The following PPP1R8 variants were observed in gnomAD, a reference collection of about 807,000 sequenced individuals.
The protein encoded by PPP1R8 is nuclear inhibitor of protein phosphatase 1.
A neutral mutation model predicts 31.3 loss-of-function variants in PPP1R8; 4 were observed. The observed-to-expected ratio is 0.13, with a 90% confidence interval of 0.06 to 0.29. PPP1R8 has a LOEUF of 0.29. PPP1R8 is among the 10% of genes least tolerant of loss of function. The probability of loss-of-function intolerance (pLI) is 1.00; values close to 1 mark genes in which losing one functional copy is unlikely to be tolerated. For missense variants in PPP1R8, 254 were observed against 440.1 expected (o/e 0.58, Z 3.78); for synonymous variants, 170 against 169.7 (o/e 1.00, Z -0.01).
At chr1:27,831,753 C>G (rs2089110921) in intron 1 of PPP1R8, among the ~76,000 whole-genome samples, 1 of 152,100 alleles carries the variant, frequency 6.6e-6, no homozygotes, top group Non-Finnish European at 1.5e-5. Flanking sequence ...ACAAAATGGC[C>G]TTTTGTCCGG....
chr1:27,844,954 C>T (rs1299102136), intron 5 of PPP1R8, among the ~76,000 whole-genome samples: 11 of 115,072 alleles, frequency 9.6e-5, no homozygotes, highest in Non-Finnish European at 1.4e-4. Flanking sequence ...AGGATGGTCT[C>T]GATCTCCTGA....
intron 5 of PPP1R8, among the ~76,000 whole-genome samples, chr1:27,845,056 C>A (rs1434365253): frequency 2.1e-5 from 3 of 142,136 alleles, no homozygotes; most frequent in African/African-American, 7.8e-5. Flanking sequence ...AAGTCTCTTT[C>A]AGGAGTGAGG....
chr1:27,839,930 G>A (rs540295453), intron 3 of PPP1R8, among the ~76,000 whole-genome samples: 1 of 152,176 alleles, frequency 6.6e-6, no homozygotes, highest in South Asian at 2.1e-4. Context: ...GTATTGTGGA[G>A]TGCGCTATGG....
chr1:27,845,346 T>G (rs1445372373), intron 5 of PPP1R8, among the ~76,000 whole-genome samples: 1 of 148,722 alleles, frequency 6.7e-6, no homozygotes, highest in Non-Finnish European at 1.5e-5. Context: ...GCCGAGATGG[T>G]GCCACTGCAC....
chr1:27,840,217 G>C (rs1182402384), intron 3 of PPP1R8, among the ~76,000 whole-genome samples: 1 of 152,136 alleles, frequency 6.6e-6, no homozygotes, highest in Non-Finnish European at 1.5e-5. Context: ...TTTTGCCCGT[G>C]TGTGAATACA....
At chr1:27,844,852 G>A (rs1315091402) in intron 5 of PPP1R8, among the ~76,000 whole-genome samples, 32 of 142,790 alleles carry the variant, frequency 2.2e-4, no homozygotes, top group Admixed American at 1.5e-3. Flanking sequence ...CGAGTAGCTG[G>A]GACTACAGGC....
At chr1:27,834,526 G>GTT (rs2089143223) in intron 2 of PPP1R8, 1 of 518,800 alleles carries the variant, frequency 1.9e-6, no homozygotes, top group African/African-American at 1.9e-5. Flanking sequence ...TAAGCCCAGT[G>GTT]TGTAAAGATA....
chr1:27,840,273 C>G (rs919797596), intron 3 of PPP1R8, among the ~76,000 whole-genome samples: 3 of 152,140 alleles, frequency 2.0e-5, no homozygotes, highest in African/African-American at 7.2e-5. Flanking sequence ...TCATGTTGGA[C>G]TCCACCACTC....
At chr1:27,833,624 T>G (rs557679783) in intron 2 of PPP1R8, among the ~76,000 whole-genome samples, 40 of 152,340 alleles carry the variant, frequency 2.6e-4, no homozygotes, top group South Asian at 2.1e-3. Context: ...ACTATGACCA[T>G]GTAGCTGTGA....
intron 4 of PPP1R8, among the ~76,000 whole-genome samples, chr1:27,842,927 T>C (rs1240878017): frequency 3.3e-5 from 5 of 152,182 alleles, no homozygotes; most frequent in Admixed American, 3.3e-4. Flanking sequence ...TGTTCTCAGC[T>C]CAAGGCCCTT....
intron 6 of PPP1R8, among the ~76,000 whole-genome samples, chr1:27,848,383 C>T (rs187198532): frequency 2.4e-4 from 37 of 152,016 alleles, no homozygotes; most frequent in African/African-American, 4.8e-4. Flanking sequence ...CCAGCCTGGT[C>T]GTCAGCGAGA....
intron 6 of PPP1R8, among the ~76,000 whole-genome samples, 174 bp from the exon 7 acceptor site, chr1:27,849,919 G>A (rs1231365501): frequency 2.6e-5 from 4 of 152,164 alleles, no homozygotes; most frequent in African/African-American, 7.2e-5. Context: ...TCTTCAAACC[G>A]TAAGATTTCA....
intron 5 of PPP1R8, among the ~76,000 whole-genome samples, chr1:27,844,966 C>G (rs2089260746): frequency 7.5e-6 from 1 of 132,990 alleles, no homozygotes; most frequent in Non-Finnish European, 1.6e-5. Context: ...ATCTCCTGAC[C>G]TCGTGATCCG....
intron 1 of PPP1R8, among the ~76,000 whole-genome samples, chr1:27,832,270 T>TA (rs2089117533): frequency 1.3e-5 from 2 of 152,198 alleles, no homozygotes; most frequent in Non-Finnish European, 2.9e-5. Flanking sequence ...TGAATTGCCC[T>TA]AGTTCCCTAA....
chr1:27,843,121 A>G lies in PPP1R8; in HGVS notation c.493-65A>G, dbSNP rs1372078634. On this transcript the variant is annotated intron_variant, in intron 4 of 6. Transcript: ENST00000311772. ...CATGCCTTCCTCACCTTTATTTAGT[A>G]TGATTTTCTCCATCAGATTCCCTTT... is the stretch of plus-strand genomic sequence containing the variant. 20 of 1,590,932 alleles carry G rather than the reference A, an allele frequency of 1.3e-5. No individual in the cohort carries two copies. The South Asian group carries it at 1.7e-4, about 13-fold the overall frequency.
In PPP1R8 at chr1:27,841,160, G is replaced by C. The variant is rs1288638233; in HGVS notation, c.418G>C (p.Asp140His). 7 of 1,614,216 alleles carry C rather than the reference G, an allele frequency of 4.3e-6. No homozygotes were observed. Among genetic ancestry groups the C allele is most frequent in the East Asian group, 2.2e-5 (1 of 44,888 alleles). The change falls in exon 4 of 7, where the codon GAT (aspartate) becomes CAT (histidine). Residue 140 changes from aspartate to histidine, a missense_variant. Physicochemically the swap from Asp to His is moderately conservative, Grantham distance 81 (BLOSUM62 -1). Transcript: ENST00000311772. ...PQTLPSAVKG[D>H]EKMGGEDDEL... Reference sequence around the variant, plus strand: ...GACATTGCCATCGGCTGTGAAAGGAGATGAGAAGATGGGTGGAGAGGATGA... The same window carrying C: ...GACATTGCCATCGGCTGTGAAAGGACATGAGAAGATGGGTGGAGAGGATGA...
chr1:27,837,830 A>C (rs1241668090), intron 2 of PPP1R8, among the ~76,000 whole-genome samples: 1 of 151,810 alleles, frequency 6.6e-6, no homozygotes, highest in Non-Finnish European at 1.5e-5. Flanking sequence ...TAATCCCAGC[A>C]CTTTAGGAGG....
intron 2 of PPP1R8, among the ~76,000 whole-genome samples, chr1:27,834,171 A>T (rs1170961300): frequency 6.6e-6 from 1 of 152,226 alleles, no homozygotes; most frequent in Non-Finnish European, 1.5e-5. Flanking sequence ...GCCTAGTCTT[A>T]ATGATAACAT....
At chr1:27,831,301 C>CGCATCCCTCTGTGGTTGCT (rs1553184302) in intron 1 of PPP1R8, 4 of 1,000,340 alleles carry the variant, frequency 4.0e-6, no homozygotes, top group African/African-American at 3.5e-5. Flanking sequence ...CTCCAAGCCC[C>CGCATCCCTCTGTGGTTGCT]GCATCCCTCT....
Sources: gnomAD v4.1 joint callset for allele counts (sites outside exome capture counted in the v4.1 genomes callset) on GRCh38, gnomAD v4.1.1 for gene constraint, MANE v1.5 for transcripts, NCBI Gene and HGNC (gene_info 2026-07-23, HGNC 2026-07-21) for gene names.